The following FGF12 variants were observed in gnomAD, a reference collection of about 807,000 sequenced individuals.
FGF12 encodes fibroblast growth factor 12B.
FGF12 carries 14 observed loss-of-function variants against 23.6 expected under a neutral mutation model. That is an observed-to-expected ratio of 0.59 (90% confidence interval 0.39 to 0.93). The LOEUF is 0.93. FGF12 is among the 40% of genes least tolerant of loss of function. The pLI is 0.00. For synonymous variants in FGF12, 62 were observed against 77.3 expected, an observed-to-expected ratio of 0.80 and a Z score of 1.04; for missense variants, 175 against 217.8, an observed-to-expected ratio of 0.80 and a Z score of 1.24.
At chr3:192,546,328 C>T (rs1156737801) in intron 2 of FGF12, among the ~76,000 whole-genome samples, 2 of 152,080 alleles carry the variant, frequency 1.3e-5, no homozygotes, top group African/African-American at 4.8e-5. Flanking sequence ...CCTATCATCA[C>T]TAATACTTTA....
intron 4 of FGF12, among the ~76,000 whole-genome samples, chr3:192,293,192 T>C (rs73193536): frequency 0.048 from 7,323 of 152,236 alleles, 237 homozygotes; most frequent in South Asian, 0.082. Flanking sequence ...TTTAATTCAA[T>C]CAAAGTTTTC....
chr3:192,671,568 G>A (rs1717117803), intron 2 of FGF12, among the ~76,000 whole-genome samples: 1 of 152,104 alleles, frequency 6.6e-6, no homozygotes, highest in African/African-American at 2.4e-5. Context: ...GTGTGTTTTG[G>A]GGCAAGTCCA....
intron 2 of FGF12, among the ~76,000 whole-genome samples, chr3:192,585,347 T>C (rs1295961871): frequency 6.6e-5 from 10 of 152,172 alleles, no homozygotes; most frequent in African/African-American, 2.4e-4. Context: ...CCATATATAA[T>C]AAATTATCTT....
At chr3:192,407,158 GACACATCCAAAA>G (rs1560102115) in intron 2 of FGF12, among the ~76,000 whole-genome samples, 1 of 152,148 alleles carries the variant, frequency 6.6e-6, no homozygotes, top group African/African-American at 2.4e-5. Flanking sequence ...TGCAAGTAGA[GACACATCCAAAA>G]GCAATCATCT....
At chr3:192,329,878 G>A (rs957155357) in intron 4 of FGF12, among the ~76,000 whole-genome samples, 1 of 152,044 alleles carries the variant, frequency 6.6e-6, no homozygotes, top group African/African-American at 2.4e-5. Flanking sequence ...CTGAACTATC[G>A]AAAAAGGTGT....
chr3:192,642,380 A>G (rs909180665), intron 2 of FGF12, among the ~76,000 whole-genome samples: 39 of 152,176 alleles, frequency 2.6e-4, no homozygotes, highest in Non-Finnish European at 7.3e-5. Context: ...CTCCTAAGAG[A>G]ACAGCACTCC....
chr3:192,378,056 T>C lies in FGF12; in HGVS notation c.14-17518A>G, dbSNP rs796477435. ...TTTCTTTCTTTCTTTCTTTCTTTCT[T>C]TCTTTCTTTCTTTCTTTCTTTCTTT... is the stretch of plus-strand genomic sequence containing the variant. On this transcript the variant is annotated intron_variant, in intron 2 of 5. Coordinates refer to ENST00000445105, the MANE Select transcript of FGF12 (RefSeq NM_004113.6). Among the ~76,000 whole-genome samples, 40 of 109,628 alleles carry C rather than the reference T, an allele frequency of 3.6e-4. 4 individuals are homozygous for C. Among genetic ancestry groups the C allele is most frequent in the East Asian group, 5.7e-4 (2 of 3,526 alleles). 71.9% of individuals were successfully genotyped at this position (109,628 alleles called of 152,430 possible). A position where few individuals can be genotyped will look rare whatever the true frequency, so the allele number is the denominator to read the frequency against.
At chr3:192,198,122 A>G (rs1409042361) in intron 4 of FGF12, among the ~76,000 whole-genome samples, 1 of 152,172 alleles carries the variant, frequency 6.6e-6, no homozygotes, top group African/African-American at 2.4e-5. Flanking sequence ...CAAAGGATCC[A>G]GAACGGTGCA....
intron 2 of FGF12, among the ~76,000 whole-genome samples, chr3:192,499,975 A>G (rs1226699339): frequency 2.0e-5 from 3 of 152,182 alleles, no homozygotes; most frequent in Non-Finnish European, 4.4e-5. Context: ...CTTTGTTGCA[A>G]TAATAACAGC....
chr3:192,246,516 A>G (rs1711575424), intron 4 of FGF12, among the ~76,000 whole-genome samples: 1 of 152,116 alleles, frequency 6.6e-6, no homozygotes, highest in African/African-American at 2.4e-5. Flanking sequence ...TGACATAAAT[A>G]TAAAAGTGAT....
intron 2 of FGF12, among the ~76,000 whole-genome samples, chr3:192,576,646 G>A (rs1348074135): frequency 2.6e-5 from 4 of 151,986 alleles, no homozygotes; most frequent in African/African-American, 9.7e-5. Flanking sequence ...AATACTTGAT[G>A]GTATGGAAAA....
intron 2 of FGF12, among the ~76,000 whole-genome samples, chr3:192,622,104 G>A (rs1008931203): frequency 2.6e-5 from 4 of 152,086 alleles, no homozygotes; most frequent in Admixed American, 6.6e-5. Context: ...AAATAAATAC[G>A]CACAGCATGG....
intron 2 of FGF12, among the ~76,000 whole-genome samples, chr3:192,415,732 T>TCTCAGA: frequency 8.5e-6 from 1 of 118,054 alleles, no homozygotes; most frequent in South Asian, 2.9e-4. Context: ...TCTCTCTCTC[T>TCTCAGA]CACACACACA....
At position 192,643,457 on chromosome 3, in the gene FGF12, C is replaced by A. The variant is rs956183683; in HGVS notation, c.13+83724G>T. On this transcript the variant is annotated intron_variant, in intron 2 of 5. Coordinates refer to ENST00000445105, the MANE Select transcript of FGF12 (RefSeq NM_004113.6). ...TATCTGCAATCTGGCCCCAATCTACCATTTTAATCTTACCACCATGAGCTC... is the reference window on the plus strand; with the variant it reads ...TATCTGCAATCTGGCCCCAATCTACAATTTTAATCTTACCACCATGAGCTC... Among the ~76,000 whole-genome samples, 3 of 152,212 alleles carry A rather than the reference C, an allele frequency of 2.0e-5. No individual in the cohort carries two copies. The East Asian group carries it at 5.8e-4, about 29-fold the overall frequency.
At chr3:192,487,563 C>T (rs1279574468) in intron 2 of FGF12, among the ~76,000 whole-genome samples, 1 of 152,036 alleles carries the variant, frequency 6.6e-6, no homozygotes, top group African/African-American at 2.4e-5. Context: ...TTTACATCTA[C>T]TGTTCATGTC....
intron 5 of FGF12, among the ~76,000 whole-genome samples, chr3:192,163,730 A>G (rs1030677503): frequency 2.0e-5 from 3 of 152,100 alleles, no homozygotes; most frequent in African/African-American, 7.2e-5. Context: ...GGGAAATGAC[A>G]GTTTACATTC....
At chr3:192,182,249 C>CT (rs34614169) in intron 4 of FGF12, among the ~76,000 whole-genome samples, 63 of 147,694 alleles carry the variant, frequency 4.3e-4, no homozygotes, top group African/African-American at 6.7e-4. Flanking sequence ...AAGAAATAGA[C>CT]TTTTTTTTTT....
chr3:192,373,989 A>T (rs1719359836), intron 2 of FGF12, among the ~76,000 whole-genome samples: 2 of 152,146 alleles, frequency 1.3e-5, no homozygotes, highest in African/African-American at 4.8e-5. Context: ...AACACCTATA[A>T]CCTATTTTAA....
intron 2 of FGF12, among the ~76,000 whole-genome samples, chr3:192,432,065 T>C (rs1721874249): frequency 6.6e-6 from 1 of 152,202 alleles, no homozygotes; most frequent in East Asian, 1.9e-4. Context: ...TCTGCTTACC[T>C]GTGGCATCTC....
Sources: allele counts gnomAD v4.1 joint callset (sites outside exome capture counted in the v4.1 genomes callset), GRCh38; gene constraint gnomAD v4.1.1; transcripts MANE v1.5; gene names NCBI Gene and HGNC (gene_info 2026-07-23, HGNC 2026-07-21).